WFS1: variants seen among roughly 807,000 people sequenced by gnomAD.
WFS1 encodes wolframin.
WFS1 carries 90 observed loss-of-function variants against 68.5 expected under a neutral mutation model. That is an observed-to-expected ratio of 1.31 (90% CI 1.11 to 1.56). The LOEUF (loss-of-function observed/expected upper bound fraction) is 1.56, where lower values mean the gene tolerates loss of function less well. Among genes scored for constraint, WFS1 ranks in the 40% most tolerant of loss-of-function variants. The pLI is 0.00. For missense variants in WFS1, 1,767 were observed against 1,232.6 expected, an observed-to-expected ratio of 1.43 and a Z score of -6.49; for synonymous variants, 860 against 540.7, an observed-to-expected ratio of 1.59 and a Z score of -8.19.
intron 7 of WFS1, among the ~76,000 whole-genome samples, chr4:6,296,962 T>A (rs543396115): frequency 3.7e-4 from 56 of 152,340 alleles, no homozygotes; most frequent in Non-Finnish European, 6.0e-4. Flanking sequence ...ATAGCTGGAC[T>A]ACAGGCATGT....
rs373216788 is a variant in WFS1 at position 6,278,595 on chromosome 4, G to C, written c.232+908G>C. 1.3e-3 allele frequency among the ~76,000 whole-genome samples: 192 copies of C among 152,352 alleles called. 7 individuals are homozygous for C. In the South Asian group the frequency reaches 0.038, roughly 30 times the overall value. On this transcript the variant is annotated intron_variant, in intron 2 of 7. Coordinates refer to ENST00000226760, the MANE Select transcript of WFS1 (RefSeq NM_006005.3). Reference sequence around the variant, plus strand: ...GTGACTTGCCCAAGAGACCCAGCGGGTGAGAGACGAGGTGCTCGAGTGGTC... The same window carrying C: ...GTGACTTGCCCAAGAGACCCAGCGGCTGAGAGACGAGGTGCTCGAGTGGTC...
At chr4:6,278,693 G>A (rs1730067189) in intron 2 of WFS1, among the ~76,000 whole-genome samples, 1 of 152,228 alleles carries the variant, frequency 6.6e-6, no homozygotes. Flanking sequence ...GCAGCGCGCT[G>A]AGGCTCCCAT....
rs1051493375 is a variant in WFS1, at chr4:6,287,387, G to A, written c.315+212G>A. On this transcript the variant is annotated intron_variant, in intron 3 of 7. Transcript: ENST00000226760. The surrounding 1 kb of genome is among the most constrained non-coding windows in gnomAD (Gnocchi z 6.4). ...TCCTGGCACTCCTCTGGGGAGCAGC[G>A]CTCATCCCCCTTTTGTCCAACTCAC... 3.7e-5 allele frequency: 22 copies of A among 590,414 alleles called. No homozygotes were observed. Among genetic ancestry groups the A allele is most frequent in the Admixed American group, 7.8e-5 (3 of 38,286 alleles). The allele number at this position is 590,414 out of a possible 1,614,324, so 36.6% of individuals were successfully genotyped here. A position where few individuals can be genotyped will look rare whatever the true frequency, so the allele number is the denominator to read the frequency against.
chr4:6,274,196 G>A (rs747896771), intron 1 of WFS1, among the ~76,000 whole-genome samples: 6 of 151,952 alleles, frequency 3.9e-5, no homozygotes, highest in Non-Finnish European at 7.4e-5. Context: ...ATCGGCGCCC[G>A]CCACCACGCC....
chr4:6,300,545 G>C (rs1430207959), intron 7 of WFS1, 112 bp from the exon 8 acceptor site: 1 of 1,514,526 alleles, frequency 6.6e-7, no homozygotes, highest in Admixed American at 1.9e-5. Flanking sequence ...ATGGGAAAAC[G>C]CAAGGGTGCG....
Position 6,301,307 on chromosome 4 carries a change from G to C in WFS1, c.1512G>C (p.Pro504=), listed in dbSNP as rs201684148. The change falls in exon 8 of 8, where the codon CCG becomes CCC. Residue 504 remains proline, a synonymous_variant. Transcript: ENST00000226760. The part of the protein sequence containing the change: ...GHLVVLNVSV[P]CLLYVYLLYL... ...TGGTCGTCCTCAACGTCAGCGTCCC[G>C]TGCCTGCTCTATGTCTACCTGCTCT... 1.2e-6 allele frequency: 2 copies of C among 1,611,332 alleles called. No individual in the cohort carries two copies. The highest frequency in any genetic ancestry group is 1.7e-5 in the Admixed American group (1 of 60,028).
Position 6,295,024 on chromosome 4 carries a change from T to C in WFS1, c.713-17T>C. The C allele has an allele frequency of 6.2e-7, 1 of 1,613,036 alleles. No homozygotes were observed. Among genetic ancestry groups the C allele is most frequent in the Non-Finnish European group, 8.5e-7 (1 of 1,179,836 alleles). ...CTGCAGTGTGGGGCGCCCATGCTGT[T>C]TTCTCTCATGCTTCAGCCAAGAACT... On this transcript the variant is annotated splice_polypyrimidine_tract_variant and intron_variant, in intron 6 of 7. Coordinates refer to ENST00000226760, the MANE Select transcript of WFS1 (RefSeq NM_006005.3).
rs1730027856 is a variant in WFS1, at chr4:6,277,473, T to C, written c.18T>C (p.Ala6=). 3 of 1,556,500 alleles carry C rather than the reference T, an allele frequency of 1.9e-6. No homozygotes were observed. The highest frequency in any genetic ancestry group is 2.6e-6 in the Non-Finnish European group (3 of 1,150,162). Reference sequence around the variant, plus strand: ...CAGGCAGGATGGACTCCAACACTGCTCCGCTGGGCCCCTCCTGCCCACAGC... The same window carrying C: ...CAGGCAGGATGGACTCCAACACTGCCCCGCTGGGCCCCTCCTGCCCACAGC... MDSNT[A]PLGPSCPQPP... is the part of the protein sequence containing the mutation. The change falls in exon 2 of 8, where the codon GCT becomes GCC. Residue 6 remains alanine (A), a synonymous_variant. Coordinates refer to ENST00000226760, the MANE Select transcript of WFS1 (RefSeq NM_006005.3).
At chr4:6,272,126 C>T (rs1335784752) in intron 1 of WFS1, among the ~76,000 whole-genome samples, 2 of 152,216 alleles carry the variant, frequency 1.3e-5, no homozygotes, top group Admixed American at 1.3e-4. Context: ...GTGAGGGCCC[C>T]CTTCTGTGCC....
At position 6,300,646 on chromosome 4, in the gene WFS1, C is replaced by T. The variant is rs375370989; in HGVS notation, c.862-11C>T. ...TCCCAGCCTCGTTCCCACGTACCAT[C>T]TTTCCCCCAGGTGGTCAAGTACCCC... On this transcript the variant is annotated splice_polypyrimidine_tract_variant and intron_variant, in intron 7 of 7. Transcript: ENST00000226760. 1.9e-6 allele frequency: 3 copies of T among 1,613,750 alleles called. No individual in the cohort carries two copies. The highest frequency in any genetic ancestry group is 1.1e-5 in the South Asian group (1 of 91,072).
chr4:6,290,211 G>A (rs368204378), intron 4 of WFS1, among the ~76,000 whole-genome samples: 1 of 152,256 alleles, frequency 6.6e-6, no homozygotes, highest in African/African-American at 2.4e-5. Context: ...AGTGATGAGA[G>A]TACAGGCGTG....
intron 7 of WFS1, 82 bp downstream of exon 7, chr4:6,295,271 T>C: frequency 6.3e-7 from 1 of 1,576,396 alleles, no homozygotes; most frequent in Non-Finnish European, 8.6e-7. Context: ...TCCAGGAAGC[T>C]GCAGGTGGGG....
At position 6,301,223 on chromosome 4, in the gene WFS1, G is replaced by A; in HGVS notation, c.1428G>A (p.Leu476=). The part of the protein sequence containing the change: ...GLLSLLPSMP[L]NWPYLKVLGQ... Reference sequence around the variant, plus strand: ...TATCGCTGCTGCCCTCCATGCCCTTGAATTGGCCCTACCTGAAGGTCCTTG... The same window carrying A: ...TATCGCTGCTGCCCTCCATGCCCTTAAATTGGCCCTACCTGAAGGTCCTTG... Residue 476 remains leucine, a synonymous_variant, in exon 8 of 8, where the codon TTG becomes TTA. Coordinates refer to ENST00000226760, the MANE Select transcript of WFS1 (RefSeq NM_006005.3). 6.8e-6 allele frequency: 11 copies of A among 1,611,966 alleles called. No homozygotes were observed. The highest frequency in any genetic ancestry group is 1.7e-5 in the Admixed American group (1 of 60,022).
At position 6,277,701 on chromosome 4, in the gene WFS1, C is replaced by T. The variant is rs750032398; in HGVS notation, c.232+14C>T. ...CAGACGGCACCGGTAAGGGAGCAGG[C>T]TGGGAAGCCCAGGCTGGGGATGTTC... On this transcript the variant is annotated intron_variant, in intron 2 of 7. Transcript: ENST00000226760. 9 of 1,551,998 alleles carry T rather than the reference C, an allele frequency of 5.8e-6. No homozygotes were observed. The East Asian group carries it at 2.2e-4, about 38-fold the overall frequency.
chr4:6,272,315 GGT>G (rs1729865170), intron 1 of WFS1, among the ~76,000 whole-genome samples: 1 of 152,142 alleles, frequency 6.6e-6, no homozygotes. Context: ...GCAGGTGCCA[GGT>G]GTGTGGTGGG....
chr4:6,293,343 C>T (rs1404163183), intron 6 of WFS1, among the ~76,000 whole-genome samples: 2 of 152,158 alleles, frequency 1.3e-5, no homozygotes, highest in Admixed American at 6.5e-5. Context: ...GGACAGGGCC[C>T]CAGCACCCCC....
In WFS1 at chr4:6,301,379, C is replaced by T; in HGVS notation, c.1584C>T (p.Tyr528=). 6.2e-7 allele frequency: 1 copy of T among 1,612,634 alleles called. No individual in the cohort carries two copies. The highest frequency in any genetic ancestry group is 8.5e-7 in the Non-Finnish European group (1 of 1,180,040). ...MAQLRNFKGT[Y]CYLVPYLVCF... ...AGCTGAGGAATTTCAAGGGCACCTA[C>T]TGCTACCTTGTGCCCTACCTGGTGT... The change falls in exon 8 of 8, where the codon TAC becomes TAT. Residue 528 remains tyrosine, a synonymous_variant. Coordinates refer to ENST00000226760, the MANE Select transcript of WFS1 (RefSeq NM_006005.3).
chr4:6,287,011 C>T lies in WFS1; in HGVS notation c.233-82C>T, dbSNP rs1730329123. On this transcript the variant is annotated intron_variant, in intron 2 of 7. Transcript: ENST00000226760. This position sits in a 1 kb window ranked among gnomAD's most constrained non-coding sequence, Gnocchi z 6.4. ...TGACAAGCAGCAGCAGATCTGAAGA[C>T]CCTCATGCCTTGTCCCCTCCATCCT... 8.1e-7 allele frequency: 1 copy of T among 1,237,730 alleles called. No individual in the cohort carries two copies. Among genetic ancestry groups the T allele is most frequent in the South Asian group, 1.3e-5 (1 of 77,604 alleles). 76.7% of individuals were successfully genotyped at this position (1,237,730 alleles called of 1,614,324 possible). A position where few individuals can be genotyped will look rare whatever the true frequency, so the allele number is the denominator to read the frequency against.
At chr4:6,282,595 C>T (rs1250972837) in intron 2 of WFS1, among the ~76,000 whole-genome samples, 1 of 152,162 alleles carries the variant, frequency 6.6e-6, no homozygotes, top group East Asian at 1.9e-4. Context: ...TTTTTAAACA[C>T]TATGGAAGTA....
Sources: gnomAD v4.1 joint callset for allele counts (sites outside exome capture counted in the v4.1 genomes callset) on GRCh38, gnomAD v4.1.1 for gene constraint, Gnocchi (gnomAD v3.1) non-coding constraint, MANE v1.5 for transcripts, NCBI Gene and HGNC (gene_info 2026-07-23, HGNC 2026-07-21) for gene names.